Variants in CEP350 observed in about 807,000 individuals in gnomAD.
CEP350 encodes the protein centrosomal protein 350, also known as centrosome-associated protein 350.
In CEP350, 126 loss-of-function variants were observed where a neutral mutation model predicts 331.8. That is an observed-to-expected ratio of 0.38 (90% CI 0.33 to 0.44). The LOEUF is 0.44. Ranked by LOEUF, CEP350 falls within the 20% of genes least tolerant of loss-of-function variation. The pLI, the probability that CEP350 is intolerant of heterozygous loss-of-function variation, is 1.00. For missense variants in CEP350, 3,406 were observed against 3,634.6 expected (o/e 0.94, Z 1.62); for synonymous variants, 1,200 against 1,259.5 (o/e 0.95, Z 1.00).
In CEP350 at chr1:180,020,599, C is replaced by G. The variant is rs769097227; in HGVS notation, c.2825C>G (p.Pro942Arg). Reference protein sequence around the residue: ...ISSFRVRSPGPKPEGLLAQLC... With the variant: ...ISSFRVRSPGRKPEGLLAQLC... ...AGCTTTAGAGTGAGATCCCCTGGTCCCAAACCAGAAGGGCTACTGGCACAG... is the reference window on the plus strand; with the variant it reads ...AGCTTTAGAGTGAGATCCCCTGGTCGCAAACCAGAAGGGCTACTGGCACAG... The change falls in exon 12 of 38, where the codon CCC (proline) becomes CGC (arginine). Residue 942 changes from proline (P) to arginine (R), a missense_variant. By Grantham distance (103) the Pro-to-Arg change is moderately radical. Transcript: ENST00000367607. The G allele has an allele frequency of 3.1e-6, 5 of 1,613,926 alleles. No homozygotes were observed. The highest frequency in any genetic ancestry group is 4.2e-6 in the Non-Finnish European group (5 of 1,179,888).
intron 1 of CEP350, among the ~76,000 whole-genome samples, chr1:179,964,397 T>C (rs942184733): frequency 6.6e-6 from 1 of 152,152 alleles, no homozygotes; most frequent in African/African-American, 2.4e-5. Context: ...GGGATGCTTC[T>C]AACTTTTGTC....
chr1:179,997,321 C>T, intron 6 of CEP350, 146 bp downstream of exon 6: 1 of 870,834 alleles, frequency 1.1e-6, no homozygotes, highest in Non-Finnish European at 1.7e-6. Flanking sequence ...GTGGGCGGAT[C>T]ATGAGGTCGG....
chr1:180,093,025 C>A lies in CEP350; in HGVS notation c.6920C>A (p.Ser2307Tyr), dbSNP rs1157700472. The change falls in exon 34 of 38, where the codon TCT (serine) becomes TAT (tyrosine). Residue 2307 changes from serine (S) to tyrosine (Y), a missense_variant. This residue lies in a region of CEP350 where 1,415 missense variants were observed against 1,512.3 expected (regional missense o/e 0.94). Coordinates refer to ENST00000367607, the MANE Select transcript of CEP350 (RefSeq NM_014810.5). Reference protein sequence around the residue: ...ILSKKDLPLDSENVQKDLVGL... With the variant: ...ILSKKDLPLDYENVQKDLVGL... ...TCAAAGAAAGATCTTCCTTTAGATT[C>A]TGAAAATGTTCAGAAAGACCTAGTT... The A allele has an allele frequency of 6.2e-7, 1 of 1,605,362 alleles. No individual in the cohort carries two copies. Among genetic ancestry groups the A allele is most frequent in the Non-Finnish European group, 8.5e-7 (1 of 1,175,342 alleles).
intron 1 of CEP350, among the ~76,000 whole-genome samples, chr1:179,985,188 T>C (rs1364024162): frequency 1.3e-5 from 2 of 152,168 alleles, no homozygotes; most frequent in Non-Finnish European, 2.9e-5. Context: ...ACAACCACCA[T>C]TCTACTTTCT....
chr1:179,983,033 C>T (rs1038321961), intron 1 of CEP350, among the ~76,000 whole-genome samples: 4 of 152,048 alleles, frequency 2.6e-5, no homozygotes, highest in Admixed American at 1.3e-4. Flanking sequence ...TCATGATCCA[C>T]CTCCTGCGGC....
Position 180,090,801 on chromosome 1 carries a change from G to A in CEP350, c.6508+5G>A. On this transcript the variant is annotated splice_donor_5th_base_variant and intron_variant, in intron 33 of 37. Transcript: ENST00000367607. ...AGTCTATTGCTGAACATGTTGGTATGTAACTAGAAAAAATAATTAACTTGT... is the reference window on the plus strand; with the variant it reads ...AGTCTATTGCTGAACATGTTGGTATATAACTAGAAAAAATAATTAACTTGT... 1 of 1,532,328 alleles carries A rather than the reference G, an allele frequency of 6.5e-7. No homozygotes were observed. The highest frequency in any genetic ancestry group is 8.8e-7 in the Non-Finnish European group (1 of 1,137,128). 94.9% of individuals were successfully genotyped at this position (1,532,328 alleles called of 1,614,324 possible).
intron 25 of CEP350, among the ~76,000 whole-genome samples, chr1:180,056,166 T>G (rs1323136190): frequency 6.6e-6 from 1 of 152,162 alleles, no homozygotes; most frequent in Non-Finnish European, 1.5e-5. Context: ...CCTTTATTTT[T>G]GAAGGATATT....
chr1:179,966,048 C>A (rs1273965812), intron 1 of CEP350, among the ~76,000 whole-genome samples: 1 of 152,074 alleles, frequency 6.6e-6, no homozygotes, highest in Admixed American at 6.6e-5. Context: ...AAAAATAGAT[C>A]TGAAAAAGGA....
At chr1:180,080,287 T>C (rs2149083296) in intron 29 of CEP350, among the ~76,000 whole-genome samples, 1 of 152,316 alleles carries the variant, frequency 6.6e-6, no homozygotes, top group Non-Finnish European at 1.5e-5. Flanking sequence ...ATAATTTTTT[T>C]CTATGCCTTC....
chr1:180,056,654 G>A (rs1657868298), intron 25 of CEP350, among the ~76,000 whole-genome samples: 1 of 151,826 alleles, frequency 6.6e-6, no homozygotes, highest in Non-Finnish European at 1.5e-5. Flanking sequence ...TAGAGATGGG[G>A]TTTCGCCATG....
rs751873814 is a variant in CEP350, at chr1:179,990,583, A to G, written c.197A>G (p.Lys66Arg). ...AVCDSVMDTK[K>R]SSTSATRKIS... ...TGTGATTCTGTCATGGATACCAAGA[A>G]GTCTTCTACAAGTGCTACTCGAAAA... is the stretch of plus-strand genomic sequence containing the variant. Residue 66 changes from lysine to arginine, a missense_variant, in exon 4 of 38, where the codon AAG becomes AGG. This residue lies in a region of CEP350 where 1,857 missense variants were observed against 1,909.2 expected (regional missense o/e 0.97). Transcript: ENST00000367607. 6.2e-7 allele frequency: 1 copy of G among 1,604,518 alleles called. No homozygotes were observed. The highest frequency in any genetic ancestry group is 1.1e-5 in the South Asian group (1 of 89,076).
intron 37 of CEP350, among the ~76,000 whole-genome samples, chr1:180,105,963 A>G (rs1193381812): frequency 6.6e-6 from 1 of 152,222 alleles, no homozygotes; most frequent in Non-Finnish European, 1.5e-5. Flanking sequence ...TAGCCAAATG[A>G]GAAATCTTTC....
intron 25 of CEP350, among the ~76,000 whole-genome samples, chr1:180,059,947 A>C (rs1658091888): frequency 6.6e-6 from 1 of 152,050 alleles, no homozygotes; most frequent in Non-Finnish European, 1.5e-5. Flanking sequence ...AACTTAGTGA[A>C]CCAACATTTT....
intron 9 of CEP350, among the ~76,000 whole-genome samples, chr1:180,013,516 T>C (rs1654784666): frequency 6.6e-6 from 1 of 152,080 alleles, no homozygotes; most frequent in African/African-American, 2.4e-5. Context: ...GAGAGAGAAA[T>C]AGTAACACTA....
intron 7 of CEP350, among the ~76,000 whole-genome samples, chr1:180,004,864 A>AGGCT (rs1203657009): frequency 0.055 from 7,811 of 142,262 alleles, 300 homozygotes; most frequent in Non-Finnish European, 0.066. Context: ...TTGGGCAGGC[A>AGGCT]GGCTGGCTGG....
chr1:180,004,898 G>GCTTC (rs1491096254), intron 7 of CEP350, among the ~76,000 whole-genome samples: 1 of 121,410 alleles, frequency 8.2e-6, no homozygotes, highest in African/African-American at 3.6e-5. Context: ...TTGCTTGCTT[G>GCTTC]CTTGCTTGCT....
At chr1:180,038,725 T>C (rs1469846480) in intron 17 of CEP350, among the ~76,000 whole-genome samples, 1 of 152,228 alleles carries the variant, frequency 6.6e-6, no homozygotes, top group Non-Finnish European at 1.5e-5. Flanking sequence ...GATTGTCTTT[T>C]TAATTATTGA....
At chr1:180,092,301 T>C (rs1177618991) in intron 33 of CEP350, among the ~76,000 whole-genome samples, 1 of 152,216 alleles carries the variant, frequency 6.6e-6, no homozygotes, top group African/African-American at 2.4e-5. Context: ...ATCATACAAT[T>C]CTATTTTTGC....
chr1:179,992,048 TC>T lies in CEP350; in HGVS notation c.236-12del, dbSNP rs780366883. ...TTTATATTATATGTTCTCACAGATTTCCTTTTCCTTCAGATGGTAGATACCT... is the reference window on the plus strand; with the variant it reads ...TTTATATTATATGTTCTCACAGATTTCTTTTCCTTCAGATGGTAGATACCT... On this transcript the variant is annotated splice_polypyrimidine_tract_variant and intron_variant, in intron 4 of 37. Transcript: ENST00000367607. 2.0e-6 allele frequency: 3 copies of T among 1,515,596 alleles called. No individual in the cohort carries two copies. The highest frequency in any genetic ancestry group is 2.7e-5 in the South Asian group (2 of 74,872). 93.9% of individuals were successfully genotyped at this position (1,515,596 alleles called of 1,614,324 possible).
Sources: allele counts gnomAD v4.1 joint callset (sites outside exome capture counted in the v4.1 genomes callset), GRCh38; gene constraint gnomAD v4.1.1; regional missense constraint gnomAD v4.1.1; transcripts MANE v1.5; gene names NCBI Gene and HGNC (gene_info 2026-07-23, HGNC 2026-07-21).